ANKH: variants seen among roughly 807,000 people sequenced by gnomAD.
ANKH encodes the protein mineralization regulator ANKH.
A neutral mutation model predicts 49.0 loss-of-function variants in ANKH; 15 were observed. That is an observed-to-expected ratio of 0.31 (90% CI 0.20 to 0.47). The LOEUF is 0.47. Ranked by LOEUF, ANKH falls within the 20% of genes least tolerant of loss-of-function variation. ANKH has a pLI of 1.00. For missense variants in ANKH, 429 were observed against 652.0 expected, an observed-to-expected ratio of 0.66 and a Z score of 3.72; for synonymous variants, 273 against 260.0, an observed-to-expected ratio of 1.05 and a Z score of -0.48.
rs1580048786 is a variant in ANKH at position 14,761,858 on chromosome 5, T to G, written c.314-3260A>C. ...TCAGCTCACTGCAACCTCCACCTCCTGGGTTCAAGCAATTCTCCTGTCTCA... is the reference window on the plus strand; with the variant it reads ...TCAGCTCACTGCAACCTCCACCTCCGGGGTTCAAGCAATTCTCCTGTCTCA... On this transcript the variant is annotated intron_variant, in intron 2 of 11. Transcript: ENST00000284268. Among the ~76,000 whole-genome samples the G allele has an allele frequency of 2.0e-5, 3 of 151,846 alleles. No individual in the cohort carries two copies. In the East Asian group the frequency reaches 5.8e-4, roughly 30 times the overall value.
chr5:14,867,601 G>A lies in ANKH; in HGVS notation c.96+3751C>T, dbSNP rs570360511. Among the ~76,000 whole-genome samples, 55 of 151,456 alleles carry A rather than the reference G, an allele frequency of 3.6e-4. No individual in the cohort carries two copies. In the East Asian group the frequency reaches 6.2e-3, roughly 17 times the overall value. On this transcript the variant is annotated intron_variant, in intron 1 of 11. Coordinates refer to ENST00000284268, the MANE Select transcript of ANKH (RefSeq NM_054027.6). ...GGAGTCTCGCTCTGTCGCCCAGGCC[G>A]GACTGCGGACTGCAGTGGCGCAATC...
intron 1 of ANKH, among the ~76,000 whole-genome samples, chr5:14,796,934 T>C (rs1219472821): frequency 6.6e-6 from 1 of 152,216 alleles, no homozygotes; most frequent in African/African-American, 2.4e-5. Flanking sequence ...CATAACTCTG[T>C]AGCTTTGTTG....
chr5:14,812,805 G>A (rs770465595), intron 1 of ANKH, among the ~76,000 whole-genome samples: 5 of 152,146 alleles, frequency 3.3e-5, no homozygotes, highest in Non-Finnish European at 5.9e-5. Flanking sequence ...TTTAACACAG[G>A]AAACGATCGA....
intron 1 of ANKH, among the ~76,000 whole-genome samples, chr5:14,819,134 C>A (rs949842765): frequency 6.6e-6 from 1 of 152,158 alleles, no homozygotes; most frequent in Non-Finnish European, 1.5e-5. Context: ...GGTCCACTGT[C>A]CAGAAAGAGC....
chr5:14,869,385 A>T (rs1051279034), intron 1 of ANKH: 1 of 152,014 alleles, frequency 6.6e-6, no homozygotes, highest in African/African-American at 2.4e-5. Flanking sequence ...CCATTTCTCC[A>T]CCCTTAACTC....
At chr5:14,824,859 C>T (rs1281595336) in intron 1 of ANKH, among the ~76,000 whole-genome samples, 2 of 152,174 alleles carry the variant, frequency 1.3e-5, no homozygotes, top group African/African-American at 2.4e-5. Flanking sequence ...TGAGCAATAT[C>T]ACTTTCTCAA....
At chr5:14,787,620 G>T (rs990411985) in intron 1 of ANKH, among the ~76,000 whole-genome samples, 1 of 151,734 alleles carries the variant, frequency 6.6e-6, no homozygotes, top group African/African-American at 2.4e-5. Flanking sequence ...AATTTAAAAT[G>T]AAAAAAAATG....
At chr5:14,834,889 A>T (rs1190472833) in intron 1 of ANKH, among the ~76,000 whole-genome samples, 1 of 152,232 alleles carries the variant, frequency 6.6e-6, no homozygotes, top group Admixed American at 6.5e-5. Context: ...TATTTAGAAG[A>T]TTCGTGAATT....
Position 14,728,910 on chromosome 5 carries a change from G to A in ANKH, c.1012-12075C>T, listed in dbSNP as rs190821104. On this transcript the variant is annotated intron_variant, in intron 8 of 11. Transcript: ENST00000284268. ...TCCTTGGGGTGCCGGCCCAAGCAGC[G>A]GCAAGACAGGAGCAGCACAAGCTCA... 7.2e-5 allele frequency among the ~76,000 whole-genome samples: 11 copies of A among 152,216 alleles called. No homozygotes were observed. The East Asian group carries it at 7.7e-4, about 11-fold the overall frequency.
chr5:14,822,950 C>T (rs1672732879), intron 1 of ANKH, among the ~76,000 whole-genome samples: 1 of 151,780 alleles, frequency 6.6e-6, no homozygotes, highest in South Asian at 2.1e-4. Context: ...AGGAGAATGG[C>T]GTGAACCCGG....
At chr5:14,760,890 A>G (rs879783315) in intron 2 of ANKH, among the ~76,000 whole-genome samples, 12 of 152,106 alleles carry the variant, frequency 7.9e-5, no homozygotes, top group Non-Finnish European at 1.6e-4. Context: ...TTCAAAATTC[A>G]GATGTTGAAA....
intron 1 of ANKH, among the ~76,000 whole-genome samples, chr5:14,865,191 C>T (rs953855313): frequency 2.0e-4 from 30 of 152,072 alleles, no homozygotes; most frequent in Non-Finnish European, 3.8e-4. Context: ...ACCCGGGAGG[C>T]GGAGGTTGTG....
chr5:14,858,281 C>A (rs528019221), intron 1 of ANKH, among the ~76,000 whole-genome samples: 1 of 152,140 alleles, frequency 6.6e-6, no homozygotes, highest in Non-Finnish European at 1.5e-5. Context: ...TCCCCCAGAG[C>A]CCCCAAAGTC....
Position 14,710,420 on chromosome 5 carries a change from AAGTT to A in ANKH, c.*773_*776del, listed in dbSNP as rs971251971. ...GATGCGCTTTTGTGACAATTTAAAA[AAGTT>A]AGCTCATGTATATACACGGTGGGGG... On this transcript the variant is annotated 3_prime_UTR_variant, in exon 12 of 12. Transcript: ENST00000284268. 1.4e-4 allele frequency: 21 copies of A among 152,374 alleles called. No individual in the cohort carries two copies. The highest frequency in any genetic ancestry group is 3.4e-4 in the African/African-American group (14 of 41,588). The allele number at this position is 152,374 out of a possible 1,614,324, so 9.4% of individuals were successfully genotyped here.
At chr5:14,864,013 G>A (rs2921601) in intron 1 of ANKH, among the ~76,000 whole-genome samples, 2,467 of 152,174 alleles carry the variant, frequency 0.016, 67 homozygotes, top group African/African-American at 0.057. Flanking sequence ...CCAGGAGTTC[G>A]AGACCAGCTT....
chr5:14,790,489 A>T (rs78630806), intron 1 of ANKH, among the ~76,000 whole-genome samples: 1,716 of 152,382 alleles, frequency 0.011, 32 homozygotes, highest in African/African-American at 0.039. Context: ...GTAAATTTTG[A>T]AAAGGGAGAG....
intron 1 of ANKH, among the ~76,000 whole-genome samples, chr5:14,831,189 A>G (rs576312485): frequency 2.6e-4 from 40 of 152,184 alleles, no homozygotes; most frequent in South Asian, 1.9e-3. Context: ...AGTGACAGGG[A>G]GCCCTAAAAT....
chr5:14,732,799 GA>G (rs1348481701), intron 8 of ANKH, among the ~76,000 whole-genome samples: 1 of 152,102 alleles, frequency 6.6e-6, no homozygotes, highest in Non-Finnish European at 1.5e-5. Context: ...GTGGAGCCTG[GA>G]TTTGAACCCA....
chr5:14,804,845 T>A (rs1278251712), intron 1 of ANKH, among the ~76,000 whole-genome samples: 1 of 152,226 alleles, frequency 6.6e-6, no homozygotes, highest in African/African-American at 2.4e-5. Context: ...CACATCTGGC[T>A]TTGGGATATT....
Sources: allele counts gnomAD v4.1 joint callset (sites outside exome capture counted in the v4.1 genomes callset), GRCh38; gene constraint gnomAD v4.1.1; transcripts MANE v1.5; gene names NCBI Gene and HGNC (gene_info 2026-07-23, HGNC 2026-07-21).